The following MTHFD1L variants were observed in gnomAD, a reference collection of about 807,000 sequenced individuals.
MTHFD1L encodes monofunctional C1-tetrahydrofolate synthase, mitochondrial.
In MTHFD1L, 81 loss-of-function variants were observed where a neutral mutation model predicts 119.5. The ratio of observed to expected loss-of-function variants is 0.68; its 90% CI spans 0.57 to 0.82. The LOEUF is 0.82. Ranked by LOEUF, MTHFD1L falls within the 40% of genes least tolerant of loss-of-function variation. The probability of loss-of-function intolerance (pLI) is 0.00; values close to 1 mark genes in which losing one functional copy is unlikely to be tolerated. For synonymous variants in MTHFD1L, 430 were observed against 475.2 expected (o/e 0.90, Z 1.24); for missense variants, 1,125 against 1,253.4 (o/e 0.90, Z 1.55).
intron 17 of MTHFD1L, among the ~76,000 whole-genome samples, chr6:150,957,984 T>C (rs1038314532): frequency 6.6e-6 from 1 of 152,134 alleles, no homozygotes. Flanking sequence ...ACTGGAGAGA[T>C]GGAAGATTCA....
At chr6:151,070,441 G>C (rs1293595954) in intron 26 of MTHFD1L, among the ~76,000 whole-genome samples, 1 of 152,138 alleles carries the variant, frequency 6.6e-6, no homozygotes, top group Non-Finnish European at 1.5e-5. Context: ...TTTAGTTTTT[G>C]TTGTCTTTAG....
rs970899261 is a variant in MTHFD1L, at chr6:150,970,701, A to G, written c.2014-1246A>G. ...AAAATAAAACCCAGAACTCAAGATAAATGTGTGTATGCCTTTGAGTTAGTC... is the reference window on the plus strand; with the variant it reads ...AAAATAAAACCCAGAACTCAAGATAGATGTGTGTATGCCTTTGAGTTAGTC... On this transcript the variant is annotated intron_variant, in intron 19 of 27. Transcript: ENST00000367321. 2.6e-5 allele frequency among the ~76,000 whole-genome samples: 4 copies of G among 152,190 alleles called. No homozygotes were observed. In the East Asian group the frequency reaches 5.8e-4, roughly 22 times the overall value.
intron 27 of MTHFD1L, among the ~76,000 whole-genome samples, chr6:151,097,496 G>A (rs1185108744): frequency 6.6e-6 from 1 of 152,144 alleles, no homozygotes; most frequent in Non-Finnish European, 1.5e-5. Context: ...AATAAGCTGG[G>A]CACGGAAAGA....
At chr6:150,879,437 G>A (rs544318492) in intron 4 of MTHFD1L, among the ~76,000 whole-genome samples, 2 of 151,824 alleles carry the variant, frequency 1.3e-5, no homozygotes, top group East Asian at 1.9e-4. Context: ...ACAGGCGCCC[G>A]CCACCATGCC....
rs1460657050 is a variant in MTHFD1L at position 151,015,566 on chromosome 6, C to G, written c.2459C>G (p.Ala820Gly). The change falls in exon 24 of 28, where the codon GCT becomes GGT. Residue 820 changes from alanine (A) to glycine (G), a missense_variant. Transcript: ENST00000367321. ...IDLVCELAKR[A>G]GAFDAVPCYH... ...TTGGTGTGTGAGCTTGCAAAGCGGGCTGGTGCCTTTGATGCAGTCCCCTGC... is the reference window on the plus strand; with the variant it reads ...TTGGTGTGTGAGCTTGCAAAGCGGGGTGGTGCCTTTGATGCAGTCCCCTGC... 6.2e-7 allele frequency: 1 copy of G among 1,614,140 alleles called. No homozygotes were observed. Among genetic ancestry groups the G allele is most frequent in the Non-Finnish European group, 8.5e-7 (1 of 1,180,024 alleles).
intron 24 of MTHFD1L, among the ~76,000 whole-genome samples, chr6:151,024,328 C>T (rs573610105): frequency 1.2e-4 from 18 of 152,148 alleles, no homozygotes; most frequent in Non-Finnish European, 2.4e-4. Flanking sequence ...TCGCTAGAAT[C>T]GAGGAGTTCA....
chr6:150,906,626 T>G (rs1438247805), intron 8 of MTHFD1L, among the ~76,000 whole-genome samples: 1 of 152,216 alleles, frequency 6.6e-6, no homozygotes, highest in Non-Finnish European at 1.5e-5. Context: ...AGGACTGTGC[T>G]GAGCTGGGCT....
At position 151,034,587 on chromosome 6, in the gene MTHFD1L, G is replaced by A. The variant is rs781637834; in HGVS notation, c.2681G>A (p.Arg894His). The part of the protein sequence containing the change: ...LSPEAQAKID[R>H]YTQQGFGNLP... ...CCTGAGGCACAAGCCAAAATAGATC[G>A]TTACACTCAACAGGTAAAAGTTCTA... is the stretch of plus-strand genomic sequence containing the variant. Residue 894 changes from arginine to histidine, a missense_variant, in exon 25 of 28, where the codon CGT becomes CAT. This residue lies in a region of MTHFD1L where 1,058 missense variants were observed against 1,151.2 expected (regional missense o/e 0.92). Coordinates refer to ENST00000367321, the MANE Select transcript of MTHFD1L (RefSeq NM_015440.5). The A allele has an allele frequency of 1.2e-5, 19 of 1,607,834 alleles. No homozygotes were observed. Among genetic ancestry groups the A allele is most frequent in the South Asian group, 3.3e-5 (3 of 90,878 alleles).
At chr6:150,868,464 T>C in intron 1 of MTHFD1L, among the ~76,000 whole-genome samples, 1 of 151,256 alleles carries the variant, frequency 6.6e-6, no homozygotes, top group Non-Finnish European at 1.5e-5. Flanking sequence ...CTCAGCCTCC[T>C]GAGTAGCTGG....
chr6:150,912,722 G>A, intron 8 of MTHFD1L: 1 of 514,310 alleles, frequency 1.9e-6, no homozygotes, highest in Admixed American at 2.1e-5. Context: ...TCATTGACTT[G>A]TCCCTGGAGA....
chr6:150,981,348 G>A (rs1293331832), intron 20 of MTHFD1L, among the ~76,000 whole-genome samples: 1 of 152,202 alleles, frequency 6.6e-6, no homozygotes, highest in East Asian at 1.9e-4. Context: ...CCTCACATGA[G>A]TAGTATTTGC....
intron 9 of MTHFD1L, among the ~76,000 whole-genome samples, chr6:150,921,453 T>C (rs143725346): frequency 0.049 from 7,423 of 152,246 alleles, 227 homozygotes; most frequent in South Asian, 0.098. Context: ...GGTTTCACCA[T>C]GTTGCCCAGG....
In MTHFD1L at chr6:150,922,253, C is replaced by A. The variant is rs536864868; in HGVS notation, c.1033C>A (p.Arg345=). 1.2e-6 allele frequency: 2 copies of A among 1,614,042 alleles called. No individual in the cohort carries two copies. Among genetic ancestry groups the A allele is most frequent in the East Asian group, 4.5e-5 (2 of 44,872 alleles). ...ATGGCTTCGTGAACAGCAGCACAGGCGGTGGAGACTTCACTGCTTGAAACT... is the reference window on the plus strand; with the variant it reads ...ATGGCTTCGTGAACAGCAGCACAGGAGGTGGAGACTTCACTGCTTGAAACT... ...RRWLREQQHR[R]WRLHCLKLQP... is the part of the protein sequence containing the mutation. The change falls in exon 10 of 28, where the codon CGG becomes AGG. Residue 345 remains arginine, a synonymous_variant. Coordinates refer to ENST00000367321, the MANE Select transcript of MTHFD1L (RefSeq NM_015440.5).
At chr6:151,081,217 C>A (rs1793128772) in intron 26 of MTHFD1L, among the ~76,000 whole-genome samples, 1 of 152,188 alleles carries the variant, frequency 6.6e-6, no homozygotes, top group Non-Finnish European at 1.5e-5. Context: ...GTCCTGAATT[C>A]TTTCCTACTT....
chr6:151,019,280 G>A (rs1385504479), intron 24 of MTHFD1L, among the ~76,000 whole-genome samples: 1 of 152,182 alleles, frequency 6.6e-6, no homozygotes, highest in Non-Finnish European at 1.5e-5. Context: ...ACTCTGCATA[G>A]CAAAGGCAGT....
At chr6:150,978,188 G>C (rs1432866661) in intron 20 of MTHFD1L, among the ~76,000 whole-genome samples, 1 of 151,828 alleles carries the variant, frequency 6.6e-6, no homozygotes, top group Non-Finnish European at 1.5e-5. Context: ...GTGAGCTGCC[G>C]CACCTGGCCA....
Position 150,944,482 on chromosome 6 carries a change from C to G in MTHFD1L, c.1441-4C>G. 6.2e-7 allele frequency: 1 copy of G among 1,603,906 alleles called. No individual in the cohort carries two copies. The highest frequency in any genetic ancestry group is 8.5e-7 in the Non-Finnish European group (1 of 1,171,868). ...ATAAATAGAAAGATATCTTATTTCT[C>G]TAGTTCAACCTTCACTTGACTGGAG... On this transcript the variant is annotated splice_polypyrimidine_tract_variant and splice_region_variant and intron_variant, in intron 13 of 27. Coordinates refer to ENST00000367321, the MANE Select transcript of MTHFD1L (RefSeq NM_015440.5).
chr6:151,091,152 TGACTGGGTGCAGCATCGTTCCATGC>T (rs1274538061), intron 26 of MTHFD1L, among the ~76,000 whole-genome samples: 4 of 124,564 alleles, frequency 3.2e-5, no homozygotes, highest in South Asian at 2.8e-4. Context: ...TCGCCCCATG[TGACTGGGTGCAGCATCGTTCCATGC>T]GACTGGGTGC....
At chr6:150,953,134 C>A (rs1795087268) in intron 16 of MTHFD1L, among the ~76,000 whole-genome samples, 1 of 152,130 alleles carries the variant, frequency 6.6e-6, no homozygotes, top group South Asian at 2.1e-4. Context: ...TGGTTCCTTG[C>A]CCCAACAACA....
Sources: gnomAD v4.1 joint callset for allele counts (sites outside exome capture counted in the v4.1 genomes callset) on GRCh38, gnomAD v4.1.1 for gene constraint, gnomAD v4.1.1 regional missense constraint, MANE v1.5 for transcripts, NCBI Gene and HGNC (gene_info 2026-07-23, HGNC 2026-07-21) for gene names.